The following TBC1D22A variants were observed in gnomAD, a reference collection of about 807,000 sequenced individuals.
The protein encoded by TBC1D22A is TBC1 domain family member 22A.
A neutral mutation model predicts 60.2 loss-of-function variants in TBC1D22A; 38 were observed. The observed-to-expected ratio is 0.63, with a 90% confidence interval of 0.49 to 0.83. TBC1D22A has a LOEUF of 0.83. TBC1D22A is among the 40% of genes least tolerant of loss of function. The pLI is 0.00. For synonymous variants in TBC1D22A, 302 were observed against 281.7 expected, an observed-to-expected ratio of 1.07 and a Z score of -0.72; for missense variants, 628 against 701.0, an observed-to-expected ratio of 0.90 and a Z score of 1.18.
intron 4 of TBC1D22A, among the ~76,000 whole-genome samples, chr22:46,875,410 G>C (rs985170201): frequency 2.0e-5 from 3 of 152,112 alleles, no homozygotes; most frequent in Non-Finnish European, 2.9e-5. Flanking sequence ...ACTAGAAAAG[G>C]GCAATAGACA....
chr22:46,803,876 G>T (rs1373757366), intron 4 of TBC1D22A, among the ~76,000 whole-genome samples: 1 of 152,194 alleles, frequency 6.6e-6, no homozygotes, highest in East Asian at 1.9e-4. Context: ...CCAGATCCTT[G>T]CTGGCCCTGC....
chr22:47,102,761 T>C (rs997512082), intron 11 of TBC1D22A, among the ~76,000 whole-genome samples: 1 of 152,078 alleles, frequency 6.6e-6, no homozygotes, highest in Non-Finnish European at 1.5e-5. Flanking sequence ...AGAGTAGGAT[T>C]GGGTAGGAGG....
At chr22:46,839,506 A>C (rs1262510420) in intron 4 of TBC1D22A, among the ~76,000 whole-genome samples, 4 of 133,548 alleles carry the variant, frequency 3.0e-5, no homozygotes, top group Admixed American at 2.9e-4. Flanking sequence ...TAATATTGTT[A>C]AAATGTCCAC....
At chr22:46,924,485 G>C (rs571367304) in intron 8 of TBC1D22A, among the ~76,000 whole-genome samples, 4 of 152,150 alleles carry the variant, frequency 2.6e-5, no homozygotes, top group Admixed American at 6.5e-5. Context: ...TGCCGGGTGC[G>C]GTGGCTCACG....
intron 10 of TBC1D22A, among the ~76,000 whole-genome samples, chr22:47,010,027 G>A (rs961018211): frequency 3.3e-5 from 5 of 152,330 alleles, no homozygotes; most frequent in Non-Finnish European, 7.4e-5. Context: ...AACAAAACGC[G>A]GTACTGGAGA....
At chr22:47,112,698 G>A (rs1178455468) in intron 12 of TBC1D22A, among the ~76,000 whole-genome samples, 1 of 152,192 alleles carries the variant, frequency 6.6e-6, no homozygotes, top group Non-Finnish European at 1.5e-5. Flanking sequence ...GGGACAAGAC[G>A]CTCCTTCTGC....
rs183829545 is a variant in TBC1D22A at position 46,867,263 on chromosome 22, A to T, written c.638-11390A>T. ...ATGTTTAGCACGAAGGATGCTGTAT[A>T]TGCTGCTGCCAGTGCTTGGAACACA... On this transcript the variant is annotated intron_variant, in intron 4 of 12. Coordinates refer to ENST00000337137, the MANE Select transcript of TBC1D22A (RefSeq NM_014346.5). Among the ~76,000 whole-genome samples the T allele has an allele frequency of 1.1e-3, 175 of 152,354 alleles. 3 individuals carry two copies. Among genetic ancestry groups the T allele is most frequent in the Admixed American group, 0.011 (173 of 15,304 alleles).
intron 4 of TBC1D22A, among the ~76,000 whole-genome samples, chr22:46,853,876 A>G (rs949486776): frequency 6.6e-6 from 1 of 152,158 alleles, no homozygotes; most frequent in Non-Finnish European, 1.5e-5. Context: ...TGGAAAGCAC[A>G]TGAGACTCTT....
chr22:47,013,863 C>G (rs2061825647), intron 10 of TBC1D22A, among the ~76,000 whole-genome samples: 1 of 152,176 alleles, frequency 6.6e-6, no homozygotes, highest in Non-Finnish European at 1.5e-5. Flanking sequence ...CTTCTCAGAC[C>G]CACAGTCACC....
intron 4 of TBC1D22A, among the ~76,000 whole-genome samples, chr22:46,845,205 C>T (rs1303138375): frequency 1.3e-5 from 2 of 152,194 alleles, no homozygotes; most frequent in African/African-American, 4.8e-5. Context: ...AGGATAAATA[C>T]CCAACTTTCT....
At chr22:47,066,149 T>C (rs2063767049) in intron 11 of TBC1D22A, among the ~76,000 whole-genome samples, 1 of 152,228 alleles carries the variant, frequency 6.6e-6, no homozygotes, top group Admixed American at 6.5e-5. Context: ...ACTAAGCTGC[T>C]GGGGACTAGA....
chr22:46,953,429 T>C (rs113870908), intron 8 of TBC1D22A, among the ~76,000 whole-genome samples: 11 of 152,274 alleles, frequency 7.2e-5, no homozygotes, highest in Admixed American at 2.6e-4. Context: ...CAATTATCTT[T>C]TAAAGAAATT....
At chr22:47,143,137 G>T (rs1199851135) in intron 12 of TBC1D22A, among the ~76,000 whole-genome samples, 1 of 152,002 alleles carries the variant, frequency 6.6e-6, no homozygotes, top group Non-Finnish European at 1.5e-5. Context: ...TTTTCTCCTG[G>T]AAGCCCCCGT....
intron 11 of TBC1D22A, among the ~76,000 whole-genome samples, chr22:47,099,312 A>G (rs1488888434): frequency 6.6e-6 from 1 of 152,094 alleles, no homozygotes; most frequent in African/African-American, 2.4e-5. Context: ...TCAGGAAGGC[A>G]TGAGAGGCTG....
intron 10 of TBC1D22A, among the ~76,000 whole-genome samples, chr22:46,998,239 CT>C (rs1417073204): frequency 3.3e-5 from 5 of 152,184 alleles, no homozygotes; most frequent in African/African-American, 1.2e-4. Flanking sequence ...ATAATCCCCC[CT>C]GCGATGTGCT....
At chr22:47,078,100 A>G (rs923592741) in intron 11 of TBC1D22A, among the ~76,000 whole-genome samples, 1 of 152,094 alleles carries the variant, frequency 6.6e-6, no homozygotes, top group African/African-American at 2.4e-5. Context: ...AGGCCCATCC[A>G]CGGAGTTGCT....
chr22:46,885,093 C>G (rs567642536), intron 5 of TBC1D22A, among the ~76,000 whole-genome samples: 1 of 152,340 alleles, frequency 6.6e-6, no homozygotes, highest in East Asian at 1.9e-4. Context: ...TCTTTGTCCA[C>G]CCACTGATGG....
rs190378781 is a variant in TBC1D22A at position 46,785,713 on chromosome 22, T to C, written c.63-6807T>C. ...TGGAATAATATAATGTGCATTTCTT[T>C]GGTAATTATCTTCTTTCACTGAGCA... is the stretch of plus-strand genomic sequence containing the variant. On this transcript the variant is annotated intron_variant, in intron 1 of 12. Coordinates refer to ENST00000337137, the MANE Select transcript of TBC1D22A (RefSeq NM_014346.5). Among the ~76,000 whole-genome samples, 3 of 152,358 alleles carry C rather than the reference T, an allele frequency of 2.0e-5. No individual in the cohort carries two copies. In the East Asian group the frequency reaches 5.8e-4, roughly 29 times the overall value.
intron 12 of TBC1D22A, among the ~76,000 whole-genome samples, chr22:47,125,754 A>C (rs2066429701): frequency 6.6e-6 from 1 of 152,154 alleles, no homozygotes; most frequent in Non-Finnish European, 1.5e-5. Context: ...CATCTCTTTG[A>C]TGTCCCTTGC....
Sources: allele counts gnomAD v4.1 joint callset (sites outside exome capture counted in the v4.1 genomes callset), GRCh38; gene constraint gnomAD v4.1.1; transcripts MANE v1.5; gene names NCBI Gene and HGNC (gene_info 2026-07-23, HGNC 2026-07-21).